The following GRM8 variants were observed in gnomAD, a reference collection of about 807,000 sequenced individuals.
GRM8 encodes the protein metabotropic glutamate receptor 8.
GRM8 carries 47 observed loss-of-function variants against 87.2 expected under a neutral mutation model. That is an observed-to-expected ratio of 0.54 (90% confidence interval 0.43 to 0.69). The LOEUF (loss-of-function observed/expected upper bound fraction) is 0.69. GRM8 is among the 30% of genes least tolerant of loss of function. The probability of loss-of-function intolerance (pLI) is 0.00; values close to 1 mark genes in which losing one functional copy is unlikely to be tolerated. For synonymous variants in GRM8, 396 were observed against 404.5 expected, an observed-to-expected ratio of 0.98 and a Z score of 0.25; for missense variants, 1,019 against 1,139.2, an observed-to-expected ratio of 0.89 and a Z score of 1.52.
At chr7:126,695,290 GA>G (rs1473040430) in intron 7 of GRM8, among the ~76,000 whole-genome samples, 1 of 152,084 alleles carries the variant, frequency 6.6e-6, no homozygotes, top group Non-Finnish European at 1.5e-5. Flanking sequence ...CTATCATTTG[GA>G]AATACCTACT....
At chr7:127,174,761 C>T (rs966336117) in intron 2 of GRM8, among the ~76,000 whole-genome samples, 9 of 152,152 alleles carry the variant, frequency 5.9e-5, no homozygotes, top group Non-Finnish European at 1.2e-4. Context: ...GTATAAAAAG[C>T]TGTTTCAAAG....
intron 7 of GRM8, among the ~76,000 whole-genome samples, chr7:126,674,642 G>A (rs1806742692): frequency 6.6e-6 from 1 of 151,826 alleles, no homozygotes; most frequent in Non-Finnish European, 1.5e-5. Context: ...AAGGAAAAAA[G>A]TACAATTGGC....
At chr7:126,574,172 A>C (rs1794921380) in intron 8 of GRM8, among the ~76,000 whole-genome samples, 1 of 152,220 alleles carries the variant, frequency 6.6e-6, no homozygotes, top group African/African-American at 2.4e-5. Context: ...AGAAATGCAC[A>C]TTTCTGGCTT....
At position 126,439,125 on chromosome 7, in the gene GRM8, T is replaced by G; in HGVS notation, c.2721A>C (p.Ser907=). ...KTTYISYSNH[S]I is the part of the protein sequence containing the mutation. ...ATTGTGCCATTTCCCTGTTTCAGAT[T>G]GAATGATTGCTGTAACTGATATATG... The change falls in exon 11 of 11, where the codon TCA becomes TCC. Residue 907 remains serine, a synonymous_variant. Coordinates refer to ENST00000339582, the MANE Select transcript of GRM8 (RefSeq NM_000845.3). The G allele has an allele frequency of 6.4e-7, 1 of 1,571,504 alleles. No individual in the cohort carries two copies. The highest frequency in any genetic ancestry group is 1.1e-5 in the South Asian group (1 of 90,210).
At chr7:126,480,878 T>C (rs1203943053) in intron 9 of GRM8, among the ~76,000 whole-genome samples, 5 of 152,048 alleles carry the variant, frequency 3.3e-5, no homozygotes, top group Non-Finnish European at 5.9e-5. Context: ...CTAAATACCA[T>C]TCTCCAGCAT....
chr7:126,504,832 T>G (rs1220401431), intron 9 of GRM8, among the ~76,000 whole-genome samples: 1 of 152,066 alleles, frequency 6.6e-6, no homozygotes, highest in Non-Finnish European at 1.5e-5. Context: ...CATGATTGGG[T>G]GCCCCAAATT....
chr7:126,831,035 A>G (rs940778886), intron 6 of GRM8, among the ~76,000 whole-genome samples: 3 of 152,198 alleles, frequency 2.0e-5, no homozygotes, highest in African/African-American at 7.2e-5. Context: ...GTGATCCACG[A>G]ATGCTGCTGT....
intron 2 of GRM8, among the ~76,000 whole-genome samples, chr7:127,197,637 C>T (rs1002757333): frequency 4.6e-5 from 7 of 150,954 alleles, no homozygotes; most frequent in Non-Finnish European, 1.0e-4. Flanking sequence ...AAACATCCCT[C>T]AGAGAAAGGA....
chr7:126,974,657 A>G (rs1006659711), intron 3 of GRM8, among the ~76,000 whole-genome samples: 1 of 152,138 alleles, frequency 6.6e-6, no homozygotes, highest in Non-Finnish European at 1.5e-5. Context: ...TTGGCTGGCC[A>G]CAGTGGCTCA....
At chr7:126,994,520 A>G (rs1812989020) in intron 3 of GRM8, among the ~76,000 whole-genome samples, 1 of 152,116 alleles carries the variant, frequency 6.6e-6, no homozygotes, top group Non-Finnish European at 1.5e-5. Flanking sequence ...TTCCCTGAAG[A>G]GTGAGCCCCA....
intron 3 of GRM8, among the ~76,000 whole-genome samples, chr7:127,050,573 G>A (rs184758928): frequency 7.9e-5 from 12 of 152,256 alleles, no homozygotes; most frequent in Admixed American, 4.6e-4. Flanking sequence ...AAGGGGAGAC[G>A]GAAGGGGAAG....
intron 3 of GRM8, among the ~76,000 whole-genome samples, chr7:126,998,665 T>C (rs191737230): frequency 2.0e-5 from 3 of 151,660 alleles, no homozygotes; most frequent in Admixed American, 1.3e-4. Flanking sequence ...CCATTTAATA[T>C]AGCTACAAAT....
In GRM8 at chr7:126,821,554, A is replaced by T. The variant is rs371382480; in HGVS notation, c.1157-51489T>A. Among the ~76,000 whole-genome samples, 4 of 152,034 alleles carry T rather than the reference A, an allele frequency of 2.6e-5. 1 individual carries two copies. The South Asian group carries it at 6.2e-4, about 24-fold the overall frequency. Reference sequence around the variant, plus strand: ...AACCTCTTGGAAAACATCAGCAATCATTTTCACTTTTTGAAATGATTTTGA... The same window carrying T: ...AACCTCTTGGAAAACATCAGCAATCTTTTTCACTTTTTGAAATGATTTTGA... On this transcript the variant is annotated intron_variant, in intron 6 of 10. Transcript: ENST00000339582.
chr7:126,911,492 A>G (rs1352574211), intron 3 of GRM8, among the ~76,000 whole-genome samples: 3 of 152,246 alleles, frequency 2.0e-5, no homozygotes, highest in African/African-American at 4.8e-5. Flanking sequence ...GTTAAGCAAA[A>G]GTTGTTATGG....
chr7:126,773,851 A>G (rs1339603025), intron 6 of GRM8, among the ~76,000 whole-genome samples: 3 of 152,096 alleles, frequency 2.0e-5, no homozygotes, highest in Non-Finnish European at 4.4e-5. Context: ...AAAACTAAAA[A>G]TTCAACTTTA....
chr7:126,685,731 G>A lies in GRM8; in HGVS notation c.1358-76233C>T, dbSNP rs1034130005. Reference sequence around the variant, plus strand: ...AGGCACAAGGGGTGCTGAGGACAGCGGGGTACTGGCCTGCAGGCGCCCCTT... The same window carrying A: ...AGGCACAAGGGGTGCTGAGGACAGCAGGGTACTGGCCTGCAGGCGCCCCTT... On this transcript the variant is annotated intron_variant, in intron 7 of 10. Coordinates refer to ENST00000339582, the MANE Select transcript of GRM8 (RefSeq NM_000845.3). This position sits in a 1 kb window ranked among gnomAD's most constrained non-coding sequence, Gnocchi z 4.2. Among the ~76,000 whole-genome samples the A allele has an allele frequency of 4.6e-5, 7 of 152,108 alleles. No individual in the cohort carries two copies. The highest frequency in any genetic ancestry group is 3.9e-4 in the East Asian group (2 of 5,148).
intron 6 of GRM8, among the ~76,000 whole-genome samples, chr7:126,771,974 A>G (rs1377987552): frequency 6.6e-6 from 1 of 152,116 alleles, no homozygotes; most frequent in African/African-American, 2.4e-5. Flanking sequence ...CCTGAGTCTT[A>G]GAACAACACT....
At chr7:126,747,254 T>C (rs2151528707) in intron 7 of GRM8, among the ~76,000 whole-genome samples, 2 of 152,140 alleles carry the variant, frequency 1.3e-5, no homozygotes, top group Middle Eastern at 3.4e-3. Context: ...TACTGTTTCA[T>C]GCTTCATAAC....
chr7:127,047,752 GAA>G (rs1819081768), intron 3 of GRM8, among the ~76,000 whole-genome samples: 1 of 152,140 alleles, frequency 6.6e-6, no homozygotes, highest in Non-Finnish European at 1.5e-5. Context: ...AATCACATGA[GAA>G]CCAGAGGTTG....
Sources: allele counts gnomAD v4.1 joint callset (sites outside exome capture counted in the v4.1 genomes callset), GRCh38; gene constraint gnomAD v4.1.1; non-coding constraint Gnocchi (gnomAD v3.1); transcripts MANE v1.5; gene names NCBI Gene and HGNC (gene_info 2026-07-23, HGNC 2026-07-21).